Variants in NMNAT2 observed in about 807,000 individuals in gnomAD.
NMNAT2 encodes nicotinamide nucleotide adenylyltransferase 2.
A neutral mutation model predicts 41.6 loss-of-function variants in NMNAT2; 11 were observed. The ratio of observed to expected loss-of-function variants is 0.26; its 90% CI spans 0.17 to 0.44. NMNAT2 has a LOEUF of 0.44. Ranked by LOEUF, NMNAT2 falls within the 20% of genes least tolerant of loss-of-function variation. The pLI, the probability that NMNAT2 is intolerant of heterozygous loss-of-function variation, is 1.00. For synonymous variants in NMNAT2, 148 were observed against 151.2 expected, an observed-to-expected ratio of 0.98 and a Z score of 0.16; for missense variants, 288 against 407.7, an observed-to-expected ratio of 0.71 and a Z score of 2.53.
At chr1:183,318,997 A>T (rs1474652909) in intron 1 of NMNAT2, among the ~76,000 whole-genome samples, 1 of 152,208 alleles carries the variant, frequency 6.6e-6, no homozygotes, top group Non-Finnish European at 1.5e-5. Context: ...TCATATAGGG[A>T]CTCAGAGCCC....
At chr1:183,376,849 G>T (rs925018259) in intron 1 of NMNAT2, among the ~76,000 whole-genome samples, 5 of 152,142 alleles carry the variant, frequency 3.3e-5, no homozygotes, top group Non-Finnish European at 2.9e-5. Flanking sequence ...TTGGGCCTGA[G>T]AACTGTTTGA....
At chr1:183,292,006 A>C (rs1024287743) in intron 3 of NMNAT2, among the ~76,000 whole-genome samples, 2 of 152,200 alleles carry the variant, frequency 1.3e-5, no homozygotes, top group Non-Finnish European at 1.5e-5. Context: ...AACTCTCTGC[A>C]TTCCTCATTC....
chr1:183,415,626 A>G (rs1047209839), intron 1 of NMNAT2, among the ~76,000 whole-genome samples: 1 of 152,240 alleles, frequency 6.6e-6, no homozygotes, highest in South Asian at 2.1e-4. Flanking sequence ...TTCATAAGTC[A>G]CTTGGCTTCT....
At chr1:183,296,244 C>A (rs1444076714) in intron 1 of NMNAT2, among the ~76,000 whole-genome samples, 1 of 152,138 alleles carries the variant, frequency 6.6e-6, no homozygotes, top group Admixed American at 6.5e-5. Context: ...TTTGCTGCTT[C>A]CAGTTTTTAG....
At chr1:183,367,625 T>C (rs1663441650) in intron 1 of NMNAT2, among the ~76,000 whole-genome samples, 1 of 152,226 alleles carries the variant, frequency 6.6e-6, no homozygotes, top group Non-Finnish European at 1.5e-5. Context: ...AACTTTTACA[T>C]GAGTAGTCGA....
chr1:183,358,966 A>C (rs1459134946), intron 1 of NMNAT2, among the ~76,000 whole-genome samples: 1 of 152,232 alleles, frequency 6.6e-6, no homozygotes, highest in African/African-American at 2.4e-5. Context: ...GATTTGAAGA[A>C]AGTTTGAGCA....
intron 8 of NMNAT2, among the ~76,000 whole-genome samples, chr1:183,263,720 A>C (rs1307785965): frequency 6.6e-6 from 1 of 152,200 alleles, no homozygotes; most frequent in Non-Finnish European, 1.5e-5. Context: ...AGGCCGGAGA[A>C]TGGTGTGAAC....
intron 1 of NMNAT2, among the ~76,000 whole-genome samples, chr1:183,343,105 C>T (rs1178172123): frequency 2.0e-5 from 3 of 152,086 alleles, no homozygotes; most frequent in Non-Finnish European, 4.4e-5. Context: ...CCTCATTCTC[C>T]TTCCCATGTC....
intron 1 of NMNAT2, among the ~76,000 whole-genome samples, chr1:183,374,733 A>T (rs1459455161): frequency 6.6e-6 from 1 of 152,174 alleles, no homozygotes; most frequent in Non-Finnish European, 1.5e-5. Context: ...GAGGAACATC[A>T]GATGGCTTTC....
chr1:183,262,829 A>C (rs995354869), intron 8 of NMNAT2, among the ~76,000 whole-genome samples: 1 of 152,252 alleles, frequency 6.6e-6, no homozygotes, highest in African/African-American at 2.4e-5. Context: ...CTTGCCAATT[A>C]CGGATCCCAG....
chr1:183,253,426 T>C (rs888706668), intron 10 of NMNAT2, among the ~76,000 whole-genome samples: 1 of 151,542 alleles, frequency 6.6e-6, no homozygotes, highest in Non-Finnish European at 1.5e-5. Context: ...ATGTATTTGT[T>C]CTTCTTGTGG....
intron 1 of NMNAT2, among the ~76,000 whole-genome samples, chr1:183,323,079 G>A (rs375998109): frequency 1.3e-5 from 2 of 152,240 alleles, no homozygotes; most frequent in Non-Finnish European, 1.5e-5. Flanking sequence ...CTACAGGCAT[G>A]AGCCACCATG....
chr1:183,417,971 C>T (rs1245775799), intron 1 of NMNAT2, among the ~76,000 whole-genome samples: 2 of 152,110 alleles, frequency 1.3e-5, no homozygotes, highest in African/African-American at 2.4e-5. Flanking sequence ...CCCTGCGAGC[C>T]GGGTCTGGCC....
At chr1:183,389,871 AAGGGAGGGAGGG>A (rs879319861) in intron 1 of NMNAT2, among the ~76,000 whole-genome samples, 938 of 47,340 alleles carry the variant, frequency 0.02, 102 homozygotes, top group African/African-American at 0.052. Flanking sequence ...AGAAAGAAAG[AAGGGAGGGAGGG>A]AGGGAGGGAG....
intron 10 of NMNAT2, among the ~76,000 whole-genome samples, chr1:183,257,900 GTTC>G (rs1660561215): frequency 6.7e-6 from 1 of 149,888 alleles, no homozygotes; most frequent in African/African-American, 2.5e-5. Flanking sequence ...GGTTTAGTTT[GTTC>G]TTCTTTTTCT....
chr1:183,301,780 C>T (rs2102317089), intron 1 of NMNAT2, among the ~76,000 whole-genome samples: 2 of 152,380 alleles, frequency 1.3e-5, no homozygotes, highest in East Asian at 3.9e-4. Context: ...ATGAGACACA[C>T]ATATCCTCCT....
chr1:183,398,046 A>T (rs1648703102), intron 1 of NMNAT2, among the ~76,000 whole-genome samples: 1 of 152,240 alleles, frequency 6.6e-6, no homozygotes, highest in African/African-American at 2.4e-5. Flanking sequence ...ACAGGATCAA[A>T]TTCACACATA....
intron 1 of NMNAT2, among the ~76,000 whole-genome samples, chr1:183,342,206 C>T (rs1203314319): frequency 6.6e-6 from 1 of 151,920 alleles, no homozygotes; most frequent in African/African-American, 2.4e-5. Context: ...AAGAGAACTA[C>T]AGGCCAGGCA....
intron 1 of NMNAT2, among the ~76,000 whole-genome samples, chr1:183,335,955 A>C (rs1662671722): frequency 6.6e-6 from 1 of 152,214 alleles, no homozygotes; most frequent in Non-Finnish European, 1.5e-5. Context: ...GGAGAGTAGG[A>C]GGGAGAGACC....
Sources: allele counts gnomAD v4.1 joint callset (sites outside exome capture counted in the v4.1 genomes callset), GRCh38; gene constraint gnomAD v4.1.1; transcripts MANE v1.5; gene names NCBI Gene and HGNC (gene_info 2026-07-23, HGNC 2026-07-21).